Variants in COX7B2 observed in about 807,000 individuals in gnomAD.
COX7B2 encodes cytochrome c oxidase subunit 7B2, mitochondrial.
For missense variants in COX7B2, 109 were observed against 95.9 expected, an observed-to-expected ratio of 1.14 and a Z score of -0.57; for synonymous variants, 37 against 32.1, an observed-to-expected ratio of 1.15 and a Z score of -0.51.
intron 1 of COX7B2, among the ~76,000 whole-genome samples, chr4:46,886,257 G>T (rs1425077224): frequency 6.6e-6 from 1 of 152,058 alleles, no homozygotes; most frequent in Non-Finnish European, 1.5e-5. Context: ...CCATAAAAAT[G>T]TATTTTAATT....
chr4:46,806,544 G>A (rs1719004882), intron 2 of COX7B2, among the ~76,000 whole-genome samples: 1 of 151,904 alleles, frequency 6.6e-6, no homozygotes, highest in South Asian at 2.1e-4. Context: ...TTGTTTTTGA[G>A]GCAAGAACAG....
At chr4:46,830,063 C>G (rs1386569993) in intron 2 of COX7B2, among the ~76,000 whole-genome samples, 1 of 151,996 alleles carries the variant, frequency 6.6e-6, no homozygotes, top group African/African-American at 2.4e-5. Flanking sequence ...CGGTGGCTCA[C>G]GCATGTAATC....
At chr4:46,867,034 AT>A (rs1368343768) in intron 1 of COX7B2, among the ~76,000 whole-genome samples, 1 of 152,138 alleles carries the variant, frequency 6.6e-6, no homozygotes, top group Non-Finnish European at 1.5e-5. Flanking sequence ...GTTACTACTA[AT>A]TTTTGGCCCT....
chr4:46,760,871 C>G (rs574933528), intron 2 of COX7B2, among the ~76,000 whole-genome samples: 1 of 152,088 alleles, frequency 6.6e-6, no homozygotes, highest in Non-Finnish European at 1.5e-5. Flanking sequence ...CAAAATTCAA[C>G]AAAGAAATGA....
At chr4:46,808,426 T>C (rs1719115232) in intron 2 of COX7B2, among the ~76,000 whole-genome samples, 1 of 151,868 alleles carries the variant, frequency 6.6e-6, no homozygotes, top group South Asian at 2.1e-4. Flanking sequence ...AGTTTTTTTG[T>C]GGAATTCTGG....
At chr4:46,858,198 A>T (rs561956359) in intron 1 of COX7B2, among the ~76,000 whole-genome samples, 1 of 152,134 alleles carries the variant, frequency 6.6e-6, no homozygotes, top group South Asian at 2.1e-4. Context: ...GGTTCAAGAG[A>T]TTCTCCCACC....
chr4:46,792,614 A>G (rs1718111241), intron 2 of COX7B2, among the ~76,000 whole-genome samples: 1 of 152,140 alleles, frequency 6.6e-6, no homozygotes, highest in Admixed American at 6.5e-5. Context: ...ACTTTACACC[A>G]CAAGCTTTCC....
chr4:46,742,674 A>G (rs1183888349), intron 2 of COX7B2, among the ~76,000 whole-genome samples: 2 of 152,122 alleles, frequency 1.3e-5, no homozygotes, highest in African/African-American at 4.8e-5. Context: ...AATGGATGCT[A>G]CCTAAACAAA....
chr4:46,830,992 G>A (rs1239782230), intron 2 of COX7B2, among the ~76,000 whole-genome samples: 2 of 152,204 alleles, frequency 1.3e-5, no homozygotes, highest in East Asian at 1.9e-4. Flanking sequence ...CCCTTCCTGG[G>A]ATGGCTGAGG....
chr4:46,852,725 C>A (rs1005991612), intron 1 of COX7B2, among the ~76,000 whole-genome samples: 2 of 152,114 alleles, frequency 1.3e-5, no homozygotes, highest in African/African-American at 2.4e-5. Context: ...TATGAAAAAT[C>A]TGAGTCACCC....
At chr4:46,748,134 T>G (rs771515721) in intron 2 of COX7B2, among the ~76,000 whole-genome samples, 2 of 152,168 alleles carry the variant, frequency 1.3e-5, no homozygotes, top group Non-Finnish European at 2.9e-5. Flanking sequence ...TACTGGCCAA[T>G]TCAATAGTAG....
At chr4:46,854,611 A>T (rs1320342383) in intron 1 of COX7B2, among the ~76,000 whole-genome samples, 1 of 152,222 alleles carries the variant, frequency 6.6e-6, no homozygotes, top group Non-Finnish European at 1.5e-5. Context: ...AGTAGACACT[A>T]AGGACAGATT....
At chr4:46,788,367 A>G (rs1717861062) in intron 2 of COX7B2, among the ~76,000 whole-genome samples, 1 of 152,150 alleles carries the variant, frequency 6.6e-6, no homozygotes, top group Admixed American at 6.5e-5. Context: ...TCCAAGGAAA[A>G]GTTTTAGTGA....
intron 2 of COX7B2, among the ~76,000 whole-genome samples, chr4:46,806,740 A>G (rs1439540693): frequency 6.6e-6 from 1 of 151,936 alleles, no homozygotes; most frequent in African/African-American, 2.4e-5. Flanking sequence ...ATCTCTGTGA[A>G]TTGAGTTCAC....
intron 2 of COX7B2, among the ~76,000 whole-genome samples, chr4:46,769,253 G>C (rs185383876): frequency 5.9e-4 from 89 of 152,104 alleles, no homozygotes; most frequent in African/African-American, 2.0e-3. Flanking sequence ...ACCAAAGCCA[G>C]ACAAGGACAC....
intron 2 of COX7B2, among the ~76,000 whole-genome samples, chr4:46,818,647 A>G (rs77732972): frequency 2.0e-5 from 3 of 152,058 alleles, no homozygotes; most frequent in Admixed American, 6.5e-5. Flanking sequence ...AAAAAAAAAA[A>G]AAAGAAAGAA....
At chr4:46,878,889 C>T (rs775849071) in intron 1 of COX7B2, among the ~76,000 whole-genome samples, 5 of 152,120 alleles carry the variant, frequency 3.3e-5, no homozygotes, top group African/African-American at 4.8e-5. Flanking sequence ...CACACAGACA[C>T]GCCTAACAAA....
chr4:46,753,365 C>A (rs539887658), intron 2 of COX7B2, among the ~76,000 whole-genome samples: 1 of 151,912 alleles, frequency 6.6e-6, no homozygotes, highest in African/African-American at 2.4e-5. Context: ...TTTCAAAAAA[C>A]CAGCACCCAA....
At chr4:46,800,427 T>C (rs1170300841) in intron 2 of COX7B2, among the ~76,000 whole-genome samples, 1 of 151,732 alleles carries the variant, frequency 6.6e-6, no homozygotes, top group Non-Finnish European at 1.5e-5. Context: ...CACAGACCAA[T>C]GGGAAAGATT....
Sources: allele counts gnomAD v4.1 joint callset (sites outside exome capture counted in the v4.1 genomes callset), GRCh38; gene constraint gnomAD v4.1.1; transcripts MANE v1.5; gene names NCBI Gene and HGNC (gene_info 2026-07-23, HGNC 2026-07-21).